The following SPRED1 variants were observed in gnomAD, a reference collection of about 807,000 sequenced individuals.
SPRED1 encodes the protein sprouty related EVH1 domain containing 1, also known as sprouty-related, EVH1 domain-containing protein 1.
SPRED1 carries 18 observed loss-of-function variants against 52.3 expected under a neutral mutation model. That is an observed-to-expected ratio of 0.34 (90% CI 0.24 to 0.51). The LOEUF (loss-of-function observed/expected upper bound fraction) is 0.51. Ranked by LOEUF, SPRED1 falls within the 20% of genes least tolerant of loss-of-function variation. SPRED1 has a pLI of 0.97. For missense variants in SPRED1, 485 were observed against 551.0 expected (o/e 0.88, Z 1.20); for synonymous variants, 155 against 179.7 (o/e 0.86, Z 1.10).
At chr15:38,278,843 T>TTTTTTTG in intron 1 of SPRED1, among the ~76,000 whole-genome samples, 1 of 150,890 alleles carries the variant, frequency 6.6e-6, no homozygotes, top group East Asian at 2.0e-4. Flanking sequence ...TTTTTTTTTT[T>TTTTTTTG]GTGAAATGAA....
At chr15:38,271,092 T>C (rs746727173) in intron 1 of SPRED1, among the ~76,000 whole-genome samples, 7 of 152,204 alleles carry the variant, frequency 4.6e-5, no homozygotes, top group Admixed American at 2.0e-4. Flanking sequence ...TTAATAATTA[T>C]TGAGCGACAA....
intron 5 of SPRED1, among the ~76,000 whole-genome samples, chr15:38,346,060 A>G (rs978420199): frequency 6.6e-6 from 1 of 152,174 alleles, no homozygotes; most frequent in African/African-American, 2.4e-5. Context: ...TTTTGAGGTC[A>G]GGCATGGTTG....
intron 4 of SPRED1, among the ~76,000 whole-genome samples, chr15:38,327,756 C>T (rs902893511): frequency 2.6e-5 from 4 of 152,194 alleles, no homozygotes; most frequent in Non-Finnish European, 5.9e-5. Flanking sequence ...CTAAATTGGT[C>T]CCACATTTCT....
intron 4 of SPRED1, among the ~76,000 whole-genome samples, chr15:38,332,870 G>GA (rs1895832561): frequency 6.6e-6 from 1 of 152,174 alleles, no homozygotes; most frequent in Non-Finnish European, 1.5e-5. Flanking sequence ...TTGAGTCTCA[G>GA]AAGTCCACTC....
Position 38,339,990 on chromosome 15 carries a change from C to G in SPRED1, c.582+95C>G. On this transcript the variant is annotated intron_variant, in intron 5 of 6. Coordinates refer to ENST00000299084, the MANE Select transcript of SPRED1 (RefSeq NM_152594.3). The stretch of plus-strand genomic sequence containing the variant: ...GACGTTAAAACCATCTGCCCTTTAC[C>G]AGACACAGTAAACAAACAAACAAAA... The G allele has an allele frequency of 2.0e-6, 3 of 1,479,354 alleles. 1 individual carries two copies. The South Asian group carries it at 3.5e-5, about 17-fold the overall frequency. 91.6% of individuals were successfully genotyped at this position (1,479,354 alleles called of 1,614,324 possible). A position where few individuals can be genotyped will look rare whatever the true frequency, so the allele number is the denominator to read the frequency against.
chr15:38,348,723 C>T (rs934484228), intron 5 of SPRED1, among the ~76,000 whole-genome samples: 5 of 151,882 alleles, frequency 3.3e-5, no homozygotes, highest in African/African-American at 1.2e-4. Context: ...GATAATAGAC[C>T]CATGGTGATT....
chr15:38,338,038 TAAAAAA>T (rs66632536), intron 4 of SPRED1, among the ~76,000 whole-genome samples: 1 of 88,912 alleles, frequency 1.1e-5, no homozygotes, highest in Admixed American at 1.3e-4. Context: ...CCATTGCTAC[TAAAAAA>T]AAAAAAAAAA....
At position 38,349,488 on chromosome 15, in the gene SPRED1, T is replaced by G; in HGVS notation, c.649T>G (p.Ser217Ala). The G allele has an allele frequency of 1.2e-6, 2 of 1,612,628 alleles. No homozygotes were observed. Among genetic ancestry groups the G allele is most frequent in the Non-Finnish European group, 1.7e-6 (2 of 1,178,940 alleles). ...TATGGAATACGTACAGCGGCAAATA[T>G]CCAAGGAATGTGGAAGCCTAAAGTC... ...RSMEYVQRQI[S>A]KECGSLKSQN... The change falls in exon 6 of 7, where the codon TCC (serine) becomes GCC (alanine). Residue 217 changes from serine to alanine, a missense_variant. Physicochemically the swap from Ser to Ala is moderately conservative, Grantham distance 99. This residue lies in a region of SPRED1 where 232 missense variants were observed against 231.8 expected (regional missense o/e 1.00). Transcript: ENST00000299084.
chr15:38,256,514 A>T (rs528857355), intron 1 of SPRED1, among the ~76,000 whole-genome samples: 1 of 152,280 alleles, frequency 6.6e-6, no homozygotes, highest in East Asian at 1.9e-4. Flanking sequence ...AATAATAAGC[A>T]TTTGGCTTAT....
At chr15:38,281,768 G>A (rs942490263) in intron 1 of SPRED1, among the ~76,000 whole-genome samples, 2 of 151,612 alleles carry the variant, frequency 1.3e-5, no homozygotes, top group Non-Finnish European at 2.9e-5. Context: ...GTACATTTTT[G>A]TATAAAAATA....
At chr15:38,266,335 C>A (rs1008540732) in intron 1 of SPRED1, among the ~76,000 whole-genome samples, 2 of 152,002 alleles carry the variant, frequency 1.3e-5, no homozygotes, top group Non-Finnish European at 2.9e-5. Flanking sequence ...CATATAACAG[C>A]CTTAAATGAT....
At chr15:38,323,982 G>A (rs1595747644) in intron 3 of SPRED1, among the ~76,000 whole-genome samples, 1 of 151,782 alleles carries the variant, frequency 6.6e-6, no homozygotes, top group South Asian at 2.1e-4. Flanking sequence ...AGTCTGCCTT[G>A]TTATTTTTGA....
At chr15:38,306,578 A>C (rs1195064712) in intron 2 of SPRED1, among the ~76,000 whole-genome samples, 2 of 152,130 alleles carry the variant, frequency 1.3e-5, no homozygotes, top group African/African-American at 2.4e-5. Flanking sequence ...ACAACCATGA[A>C]TTTTGTAGTT....
chr15:38,304,369 A>G (rs1384660021), intron 2 of SPRED1, among the ~76,000 whole-genome samples: 1 of 152,194 alleles, frequency 6.6e-6, no homozygotes, highest in Non-Finnish European at 1.5e-5. Context: ...ACTTTTCCTT[A>G]GGATTCAGCC....
At chr15:38,318,601 A>G (rs1433154316) in intron 2 of SPRED1, among the ~76,000 whole-genome samples, 2 of 152,094 alleles carry the variant, frequency 1.3e-5, no homozygotes, top group Non-Finnish European at 2.9e-5. Context: ...TTTCCCCTGT[A>G]GTAGTTCCCA....
intron 2 of SPRED1, among the ~76,000 whole-genome samples, chr15:38,310,730 C>A (rs747970963): frequency 6.6e-6 from 1 of 152,090 alleles, no homozygotes; most frequent in Non-Finnish European, 1.5e-5. Context: ...TTGTTTAGAG[C>A]AATTGTAAAT....
intron 1 of SPRED1, among the ~76,000 whole-genome samples, chr15:38,271,132 T>C (rs1415856808): frequency 6.6e-6 from 1 of 152,248 alleles, no homozygotes; most frequent in Non-Finnish European, 1.5e-5. Flanking sequence ...AAATACCTAA[T>C]TATCCGTGTA....
intron 5 of SPRED1, 127 bp downstream of exon 5, chr15:38,340,022 C>T (rs1314302720): frequency 8.5e-7 from 1 of 1,173,978 alleles, no homozygotes; most frequent in African/African-American, 1.5e-5. Context: ...AAAAACCCCA[C>T]AAACAAAACC....
intron 4 of SPRED1, among the ~76,000 whole-genome samples, chr15:38,331,464 G>C (rs993448751): frequency 6.6e-6 from 1 of 151,952 alleles, no homozygotes; most frequent in African/African-American, 2.4e-5. Flanking sequence ...ATAGAAGTTT[G>C]TCTAAGTCTG....
Sources: gnomAD v4.1 joint callset for allele counts (sites outside exome capture counted in the v4.1 genomes callset) on GRCh38, gnomAD v4.1.1 for gene constraint, gnomAD v4.1.1 regional missense constraint, MANE v1.5 for transcripts, NCBI Gene and HGNC (gene_info 2026-07-23, HGNC 2026-07-21) for gene names.